Variants in THBS3 observed in about 807,000 individuals in gnomAD.
THBS3 encodes the protein thrombospondin 3, also known as thrombospondin-3.
THBS3 carries 78 observed loss-of-function variants against 118.3 expected under a neutral mutation model. The observed-to-expected ratio is 0.66, with a 90% confidence interval of 0.55 to 0.80. The LOEUF (loss-of-function observed/expected upper bound fraction) is 0.80, where lower values mean the gene tolerates loss of function less well. THBS3 is among the 30% of genes least tolerant of loss of function. The pLI is 0.00. For missense variants in THBS3, 1,057 were observed against 1,247.4 expected, an observed-to-expected ratio of 0.85 and a Z score of 2.30; for synonymous variants, 427 against 475.3, an observed-to-expected ratio of 0.90 and a Z score of 1.32.
intron 10 of THBS3, 184 bp downstream of exon 10, chr1:155,201,773 A>G: frequency 1.9e-6 from 2 of 1,027,030 alleles, no homozygotes; most frequent in Non-Finnish European, 2.8e-6. Flanking sequence ...GAAAAGTTAA[A>G]TAACCTGCTA....
At chr1:155,198,364 G>A in intron 17 of THBS3, 45 bp downstream of exon 17, 1 of 1,596,766 alleles carries the variant, frequency 6.3e-7, no homozygotes, top group Non-Finnish European at 8.6e-7. Context: ...CTCCACCTGG[G>A]CAAAGGCAAC....
chr1:155,208,941 C>G (rs749607249), upstream of THBS3: 4 of 1,610,164 alleles, frequency 2.5e-6, no homozygotes, highest in African/African-American at 4.0e-5. Context: ...TCTCCAGAGC[C>G]TGCCGCGCCT....
In THBS3 at chr1:155,197,535, C is replaced by A. The variant is rs1668880765; in HGVS notation, c.2427G>T (p.Trp809Cys). The A allele has an allele frequency of 6.2e-7, 1 of 1,614,148 alleles. No individual in the cohort carries two copies. The highest frequency in any genetic ancestry group is 1.3e-5 in the African/African-American group (1 of 75,030). ...GCCAGTAGGTCTGCTCGGTCTGCTT[C>A]CACATGACTACGTAGAAGCGGCCAC... ...QDSGRFYVVM[W>C]KQTEQTYWQA... is the part of the protein sequence containing the mutation. Residue 809 changes from tryptophan (W) to cysteine (C), a missense_variant, in exon 20 of 23, where the codon TGG (tryptophan) becomes TGT (cysteine). Trp to Cys is a radical substitution (Grantham distance 215, BLOSUM62 -2). Transcript: ENST00000368378. This position sits in a 1 kb window ranked among gnomAD's most constrained non-coding sequence, Gnocchi z 5.0.
In THBS3 at chr1:155,203,070, C is replaced by G; in HGVS notation, c.808+16G>C. The G allele has an allele frequency of 3.1e-6, 5 of 1,614,202 alleles. No individual in the cohort carries two copies. Among genetic ancestry groups the G allele is most frequent in the Non-Finnish European group, 4.2e-6 (5 of 1,180,034 alleles). On this transcript the variant is annotated intron_variant, in intron 7 of 22. Coordinates refer to ENST00000368378, the MANE Select transcript of THBS3 (RefSeq NM_007112.5). Reference sequence around the variant, plus strand: ...GTGGCACGGTCATGTGGAGCCTCCCCTGCTCTCCCACTCACCGCACACCTG... The same window carrying G: ...GTGGCACGGTCATGTGGAGCCTCCCGTGCTCTCCCACTCACCGCACACCTG...
Position 155,204,883 on chromosome 1 carries a change from G to T in THBS3, c.618C>A (p.Phe206Leu), listed in dbSNP as rs536670937. 6.2e-7 allele frequency: 1 copy of T among 1,613,944 alleles called. No homozygotes were observed. Among genetic ancestry groups the T allele is most frequent in the Non-Finnish European group, 8.5e-7 (1 of 1,180,014 alleles). ...CACTGTGGATGGACTCGTCCCCTTGGAATGGACACTCACTCAGGGCTCCTA... is the reference window on the plus strand; with the variant it reads ...CACTGTGGATGGACTCGTCCCCTTGTAATGGACACTCACTCAGGGCTCCTA... ...ARVGALSECP[F>L]QGDESIHSAV... Residue 206 changes from phenylalanine to leucine, a missense_variant, in exon 4 of 23, where the codon TTC becomes TTA. Phe to Leu is a conservative substitution (Grantham distance 22). Coordinates refer to ENST00000368378, the MANE Select transcript of THBS3 (RefSeq NM_007112.5).
rs1381681421 is a variant in THBS3 at position 155,200,906 on chromosome 1, C to T, written c.1539G>A (p.Lys513=). The T allele has an allele frequency of 1.2e-6, 2 of 1,614,096 alleles. No individual in the cohort carries two copies. Among genetic ancestry groups the T allele is most frequent in the South Asian group, 2.2e-5 (2 of 91,076 alleles). The change falls in exon 13 of 23, where the codon AAG becomes AAA. Residue 513 remains lysine, a synonymous_variant. Coordinates refer to ENST00000368378, the MANE Select transcript of THBS3 (RefSeq NM_007112.5). The part of the protein sequence containing the change: ...CDDDADGDGI[K]NVEDNCRLFP... Reference sequence around the variant, plus strand: ...GCAGTCTGGGAGTCACCTCAACATTCTTGATCCCATCCCCATCAGCATCAT... The same window carrying T: ...GCAGTCTGGGAGTCACCTCAACATTTTTGATCCCATCCCCATCAGCATCAT...
intron 10 of THBS3, 82 bp downstream of exon 10, chr1:155,201,875 G>A (rs987708035): frequency 6.3e-7 from 1 of 1,593,020 alleles, no homozygotes; most frequent in East Asian, 2.2e-5. Flanking sequence ...AAGGCAGCAG[G>A]AAATTTGAAG....
chr1:155,200,557 T>C lies in THBS3; in HGVS notation c.1602A>G (p.Ser534=), dbSNP rs1669540694. 6.2e-7 allele frequency: 1 copy of C among 1,614,052 alleles called. No individual in the cohort carries two copies. Among genetic ancestry groups the C allele is most frequent in the East Asian group, 2.2e-5 (1 of 44,894 alleles). The part of the protein sequence containing the change: ...NKDQQNSDTD[S]FGDACDNCPN... The stretch of plus-strand genomic sequence containing the variant: ...GGCAATTGTCACAGGCATCACCAAA[T>C]GAATCTGTATCTGAGTTCTGCTGGT... The change falls in exon 14 of 23, where the codon TCA becomes TCG. Residue 534 remains serine (S), a synonymous_variant. Transcript: ENST00000368378.
At chr1:155,209,087 C>T (rs978443293), upstream of THBS3, 10 of 1,541,836 alleles carry the variant, frequency 6.5e-6, no homozygotes, top group South Asian at 1.2e-5. Context: ...CGGCCCAGTC[C>T]CCCGCAGTTC....
chr1:155,208,622 C>A, upstream of THBS3: 1 of 643,286 alleles, frequency 1.6e-6, no homozygotes, highest in Non-Finnish European at 2.6e-6. Flanking sequence ...GGGCCGTGAC[C>A]CGGATGAAGC....
chr1:155,202,074 G>A lies in THBS3; in HGVS notation c.1099-40C>T, dbSNP rs182720155. On this transcript the variant is annotated intron_variant, in intron 9 of 22. Coordinates refer to ENST00000368378, the MANE Select transcript of THBS3 (RefSeq NM_007112.5). The surrounding 1 kb of genome is among the most constrained non-coding windows in gnomAD (Gnocchi z 5.5). ...TTTGGGTGGAACCAGACCTATGGTG[G>A]GTCTCCTCAGATACAGCAGAGGACA... is the stretch of plus-strand genomic sequence containing the variant. 3.9e-3 allele frequency: 6,297 copies of A among 1,613,902 alleles called. 21 individuals carry two copies. The highest frequency in any genetic ancestry group is 4.4e-3 in the Non-Finnish European group (5,152 of 1,179,990).
chr1:155,202,735 T>C lies in THBS3; in HGVS notation c.957+77A>G. On this transcript the variant is annotated intron_variant, in intron 8 of 22. Coordinates refer to ENST00000368378, the MANE Select transcript of THBS3 (RefSeq NM_007112.5). The surrounding 1 kb of genome is among the most constrained non-coding windows in gnomAD (Gnocchi z 5.5). ...AGATTCCTCTCCTCCGGACCAGCAT[T>C]TATCCCACCCTCTTGGGTGCCTCCT... 6.5e-7 allele frequency: 1 copy of C among 1,534,146 alleles called. No individual in the cohort carries two copies. The highest frequency in any genetic ancestry group is 8.8e-7 in the Non-Finnish European group (1 of 1,139,080).
rs1384905943 is a variant in THBS3, at chr1:155,201,507, G to A, written c.1239C>T (p.Leu413=). The A allele has an allele frequency of 6.2e-7, 1 of 1,613,936 alleles. No homozygotes were observed. ...GFLGNQSQGC[L]PARTCHSPAH... ...CTGGGCTGTGGCAGGTCCGGGCTGGGAGGCAGCCCTGGCTCTGGTTGCCCA... is the reference window on the plus strand; with the variant it reads ...CTGGGCTGTGGCAGGTCCGGGCTGGAAGGCAGCCCTGGCTCTGGTTGCCCA... The change falls in exon 11 of 23, where the codon CTC becomes CTT. Residue 413 remains leucine, a synonymous_variant. Transcript: ENST00000368378.
rs1414382975 is a variant in THBS3 at position 155,204,949 on chromosome 1, C to T, written c.552G>A (p.Val184=). 6.2e-7 allele frequency: 1 copy of T among 1,613,974 alleles called. No homozygotes were observed. The highest frequency in any genetic ancestry group is 1.7e-5 in the Admixed American group (1 of 60,030). The part of the protein sequence containing the change: ...QKAYLRMQGF[V]ESMKIILGGS... ...CACCCAGAATAATTTTCATAGATTCCACAAAGCCCTGGGGGGATAGCAGCA... is the reference window on the plus strand; with the variant it reads ...CACCCAGAATAATTTTCATAGATTCTACAAAGCCCTGGGGGGATAGCAGCA... Residue 184 remains valine, a synonymous_variant, in exon 4 of 23, where the codon GTG becomes GTA. Coordinates refer to ENST00000368378, the MANE Select transcript of THBS3 (RefSeq NM_007112.5).
At chr1:155,207,409 C>G (rs1044932324) in intron 1 of THBS3, among the ~76,000 whole-genome samples, 9 of 152,182 alleles carry the variant, frequency 5.9e-5, no homozygotes, top group African/African-American at 1.7e-4. Context: ...GGTCCCCACC[C>G]CCGCCCTGTC....
In THBS3 at chr1:155,198,465, G is replaced by A. The variant is rs779145671; in HGVS notation, c.2018C>T (p.Pro673Leu). 1.2e-6 allele frequency: 2 copies of A among 1,614,076 alleles called. No individual in the cohort carries two copies. The highest frequency in any genetic ancestry group is 1.7e-5 in the Admixed American group (1 of 60,004). Residue 673 changes from proline to leucine, a missense_variant, in exon 17 of 23, where the codon CCT becomes CTT. By Grantham distance (98) the Pro-to-Leu change is moderately conservative. Coordinates refer to ENST00000368378, the MANE Select transcript of THBS3 (RefSeq NM_007112.5). Reference protein sequence around the residue: ...DDNDGIPDYVPPGPDNCRLVP... With the variant: ...DDNDGIPDYVLPGPDNCRLVP... ...CAGGCGGCAGTTATCGGGACCAGGA[G>A]GCACATAATCTGGGATGCCATCATT...
At chr1:155,203,469 C>T (rs942893320) in intron 5 of THBS3, 44 bp downstream of exon 5, 2 of 1,611,170 alleles carry the variant, frequency 1.2e-6, no homozygotes, top group Non-Finnish European at 8.5e-7. Context: ...GAGCCTGGGG[C>T]CTCCTCCCCG....
Position 155,197,565 on chromosome 1 carries a change from T to G in THBS3, c.2397A>C (p.Gln799His). The G allele has an allele frequency of 6.2e-7, 1 of 1,614,002 alleles. No individual in the cohort carries two copies. The highest frequency in any genetic ancestry group is 8.5e-7 in the Non-Finnish European group (1 of 1,179,978). The change falls in exon 20 of 23, where the codon CAA (glutamine) becomes CAC (histidine). Residue 799 changes from glutamine to histidine, a missense_variant. Physicochemically the swap from Gln to His is conservative, Grantham distance 24 (BLOSUM62 0). This residue lies in a region of THBS3 where 307 missense variants were observed against 326.1 expected (regional missense o/e 0.94). Coordinates refer to ENST00000368378, the MANE Select transcript of THBS3 (RefSeq NM_007112.5). The surrounding 1 kb of genome is among the most constrained non-coding windows in gnomAD (Gnocchi z 5.0). ...DDYAGFLFSYQDSGRFYVVMW... is the reference protein window; with the variant it reads ...DDYAGFLFSYHDSGRFYVVMW... The stretch of plus-strand genomic sequence containing the variant: ...TGACTACGTAGAAGCGGCCACTGTC[T>G]TGATAACTGAAGAGAAAGCCTGCGT...
At chr1:155,200,669 C>T in intron 13 of THBS3, 59 bp from the exon 14 acceptor site, 1 of 1,595,748 alleles carries the variant, frequency 6.3e-7, no homozygotes, top group East Asian at 2.2e-5. Flanking sequence ...TGTCATCTTG[C>T]ACCTACCTTG....
Sources: gnomAD v4.1 joint callset for allele counts (sites outside exome capture counted in the v4.1 genomes callset) on GRCh38, gnomAD v4.1.1 for gene constraint, gnomAD v4.1.1 regional missense constraint, Gnocchi (gnomAD v3.1) non-coding constraint, MANE v1.5 for transcripts, NCBI Gene and HGNC (gene_info 2026-07-23, HGNC 2026-07-21) for gene names.